Variants in SPHKAP observed in about 807,000 individuals in gnomAD.
SPHKAP encodes the protein A-kinase anchor protein SPHKAP.
Under a neutral mutation model 137.5 loss-of-function variants are expected in SPHKAP, and 67 were observed. That is an observed-to-expected ratio of 0.49 (90% CI 0.40 to 0.60). The LOEUF (loss-of-function observed/expected upper bound fraction) is 0.60. SPHKAP is among the 20% of genes least tolerant of loss of function. SPHKAP has a pLI of 0.00. For synonymous variants in SPHKAP, 813 were observed against 785.3 expected, an observed-to-expected ratio of 1.04 and a Z score of -0.59; for missense variants, 2,097 against 2,069.3, an observed-to-expected ratio of 1.01 and a Z score of -0.26.
intron 7 of SPHKAP, among the ~76,000 whole-genome samples, chr2:228,010,053 C>A (rs562286498): frequency 6.6e-6 from 1 of 152,132 alleles, no homozygotes; most frequent in African/African-American, 2.4e-5. Flanking sequence ...GTCTCCTCAC[C>A]TCATTGTGCC....
intron 11 of SPHKAP, 148 bp from the exon 12 acceptor site, chr2:227,982,008 T>G: frequency 3.0e-6 from 4 of 1,315,940 alleles, no homozygotes; most frequent in Non-Finnish European, 2.9e-6. Flanking sequence ...TAATCTATTT[T>G]CTTTTTAAGA....
At chr2:228,080,877 A>G (rs1264607347) in intron 3 of SPHKAP, among the ~76,000 whole-genome samples, 1 of 152,206 alleles carries the variant, frequency 6.6e-6, no homozygotes, top group Non-Finnish European at 1.5e-5. Flanking sequence ...GATGTGGAGA[A>G]ATTAGAACCC....
At chr2:228,180,510 T>C (rs1019936556) in intron 1 of SPHKAP, among the ~76,000 whole-genome samples, 4 of 152,168 alleles carry the variant, frequency 2.6e-5, no homozygotes, top group Non-Finnish European at 5.9e-5. Flanking sequence ...TTCTAGGGCC[T>C]GGTGCTCTGC....
At chr2:228,009,340 A>T (rs898000783) in intron 7 of SPHKAP, among the ~76,000 whole-genome samples, 2 of 151,940 alleles carry the variant, frequency 1.3e-5, no homozygotes, top group Non-Finnish European at 2.9e-5. Context: ...ATGTGCCTTG[A>T]TGTGATTTTC....
chr2:228,130,103 T>C (rs1050773339), intron 2 of SPHKAP, among the ~76,000 whole-genome samples: 1 of 152,184 alleles, frequency 6.6e-6, no homozygotes, highest in Non-Finnish European at 1.5e-5. Flanking sequence ...GCACCAGTTT[T>C]AATTTTTTGA....
intron 1 of SPHKAP, among the ~76,000 whole-genome samples, chr2:228,176,168 C>T (rs909769876): frequency 1.2e-4 from 18 of 152,164 alleles, no homozygotes; most frequent in Admixed American, 4.6e-4. Flanking sequence ...TCTTAATTAC[C>T]GTGCTATCTT....
At chr2:228,015,253 T>G (rs1023064646) in intron 7 of SPHKAP, among the ~76,000 whole-genome samples, 26 of 151,950 alleles carry the variant, frequency 1.7e-4, no homozygotes, top group African/African-American at 6.1e-4. Context: ...CATGAACTCA[T>G]CATTTTTTTA....
At chr2:227,993,670 T>C in intron 8 of SPHKAP, 50 bp from the exon 9 acceptor site, 4 of 1,466,242 alleles carry the variant, frequency 2.7e-6, no homozygotes, top group Non-Finnish European at 3.7e-6. Context: ...CCCTCTAACA[T>C]GCTGCTGACA....
At chr2:228,177,793 C>A (rs1004591709) in intron 1 of SPHKAP, among the ~76,000 whole-genome samples, 4 of 152,128 alleles carry the variant, frequency 2.6e-5, no homozygotes, top group South Asian at 2.1e-4. Context: ...TGACAGGAAG[C>A]CTATATACAT....
At chr2:228,097,852 A>G (rs1698040333) in intron 3 of SPHKAP, among the ~76,000 whole-genome samples, 2 of 152,178 alleles carry the variant, frequency 1.3e-5, no homozygotes, top group Non-Finnish European at 1.5e-5. Context: ...CGTGGTGTAT[A>G]TACACCACAT....
chr2:228,034,034 C>A (rs1295299716), intron 3 of SPHKAP, among the ~76,000 whole-genome samples: 1 of 152,124 alleles, frequency 6.6e-6, no homozygotes, highest in Non-Finnish European at 1.5e-5. Context: ...ACAATCAGAG[C>A]AGAACTGAAG....
intron 11 of SPHKAP, among the ~76,000 whole-genome samples, chr2:227,988,624 G>A (rs1320813463): frequency 6.6e-6 from 1 of 152,150 alleles, no homozygotes; most frequent in Non-Finnish European, 1.5e-5. Context: ...GATACCACCT[G>A]AAAATCTACC....
At chr2:228,090,482 G>C (rs1253103014) in intron 3 of SPHKAP, among the ~76,000 whole-genome samples, 2 of 152,170 alleles carry the variant, frequency 1.3e-5, no homozygotes, top group African/African-American at 4.8e-5. Flanking sequence ...AATGAGTTGA[G>C]ACTTTTGGGG....
intron 3 of SPHKAP, among the ~76,000 whole-genome samples, chr2:228,045,759 AAAAG>A (rs1696023306): frequency 6.6e-6 from 1 of 152,024 alleles, no homozygotes; most frequent in South Asian, 2.1e-4. Context: ...AATAATAAAA[AAAAG>A]AAAAAAAATA....
chr2:228,061,210 A>G (rs932963716), intron 3 of SPHKAP, among the ~76,000 whole-genome samples: 2 of 152,126 alleles, frequency 1.3e-5, no homozygotes, highest in African/African-American at 4.8e-5. Context: ...GATCGGGGAT[A>G]AGAACTTAAG....
chr2:228,069,952 A>G (rs1197677185), intron 3 of SPHKAP, among the ~76,000 whole-genome samples: 1 of 152,180 alleles, frequency 6.6e-6, no homozygotes, highest in Non-Finnish European at 1.5e-5. Flanking sequence ...ACTGTGTCCC[A>G]GCTGGGATCA....
chr2:227,994,762 A>C (rs1035319239), intron 8 of SPHKAP, among the ~76,000 whole-genome samples: 1 of 152,212 alleles, frequency 6.6e-6, no homozygotes, highest in Non-Finnish European at 1.5e-5. Flanking sequence ...CGCTAGTTTT[A>C]GAAGTTTTGA....
At chr2:228,122,896 G>A (rs1432935989) in intron 2 of SPHKAP, among the ~76,000 whole-genome samples, 3 of 152,116 alleles carry the variant, frequency 2.0e-5, no homozygotes, top group African/African-American at 7.2e-5. Flanking sequence ...TCTCCTCTCT[G>A]TCTCCCAGTG....
intron 3 of SPHKAP, among the ~76,000 whole-genome samples, chr2:228,044,480 A>G (rs7584899): frequency 0.38 from 58,053 of 151,988 alleles, 11,550 homozygotes; most frequent in South Asian, 0.51. Context: ...CTTTAGCCCA[A>G]GGCATGTATC....
Sources: allele counts gnomAD v4.1 joint callset (sites outside exome capture counted in the v4.1 genomes callset), GRCh38; gene constraint gnomAD v4.1.1; transcripts MANE v1.5; gene names NCBI Gene and HGNC (gene_info 2026-07-23, HGNC 2026-07-21).